CERS6: variants seen among roughly 807,000 people sequenced by gnomAD.
The protein encoded by CERS6 is ceramide synthase 6.
In CERS6, 26 loss-of-function variants were observed where a neutral mutation model predicts 56.8. The ratio of observed to expected loss-of-function variants is 0.46; its 90% CI spans 0.34 to 0.63. CERS6 has a LOEUF of 0.63. Among genes scored for constraint, CERS6 ranks in the 30% least tolerant of loss-of-function variants. The pLI, the probability that CERS6 is intolerant of heterozygous loss-of-function variation, is 0.01. For missense variants in CERS6, 415 were observed against 467.5 expected (o/e 0.89, Z 1.04); for synonymous variants, 164 against 173.3 (o/e 0.95, Z 0.42).
At chr2:168,645,308 G>GT (rs1227593846) in intron 4 of CERS6, among the ~76,000 whole-genome samples, 1 of 149,746 alleles carries the variant, frequency 6.7e-6, no homozygotes, top group Admixed American at 6.7e-5. Flanking sequence ...AAACTGTGGG[G>GT]TTTTTTGTGA....
intron 8 of CERS6, among the ~76,000 whole-genome samples, chr2:168,733,690 T>C (rs919769031): frequency 6.6e-6 from 1 of 152,190 alleles, no homozygotes; most frequent in Non-Finnish European, 1.5e-5. Context: ...CTGAATAGGT[T>C]TCTAGGGAGT....
At chr2:168,740,984 G>C (rs1328747164) in intron 8 of CERS6, among the ~76,000 whole-genome samples, 1 of 152,140 alleles carries the variant, frequency 6.6e-6, no homozygotes, top group African/African-American at 2.4e-5. Context: ...TTATGGAGGG[G>C]ATGGGTAAAG....
intron 1 of CERS6, among the ~76,000 whole-genome samples, chr2:168,496,952 G>A (rs80113596): frequency 0.03 from 4,541 of 152,268 alleles, 86 homozygotes; most frequent in Non-Finnish European, 0.049. Context: ...AGATAGTGAG[G>A]CTTTTAAATA....
intron 6 of CERS6, among the ~76,000 whole-genome samples, chr2:168,700,922 C>T (rs1274997802): frequency 6.6e-6 from 1 of 152,188 alleles, no homozygotes. Flanking sequence ...TCAGGCACAC[C>T]AGGATTGTGC....
intron 3 of CERS6, among the ~76,000 whole-genome samples, chr2:168,587,313 T>G (rs549457048): frequency 6.6e-6 from 1 of 152,344 alleles, no homozygotes; most frequent in African/African-American, 2.4e-5. Flanking sequence ...GTGGATTTCA[T>G]GAAATTGTGT....
rs967225348 is a variant in CERS6 at position 168,456,353 on chromosome 2, G to A, written c.-96G>A. The A allele has an allele frequency of 1.1e-5, 10 of 946,138 alleles. No individual in the cohort carries two copies. The African/African-American group carries it at 1.6e-4, about 15-fold the overall frequency. The allele number at this position is 946,138 out of a possible 1,614,324, so 58.6% of individuals were successfully genotyped here. ...CGGGAGCAGCGGCGGCGGCGGCACAGGCTCGGGGCCAGCCGGGCGCGCATC... is the reference window on the plus strand; with the variant it reads ...CGGGAGCAGCGGCGGCGGCGGCACAAGCTCGGGGCCAGCCGGGCGCGCATC... On this transcript the variant is annotated 5_prime_UTR_variant, in exon 1 of 10. Transcript: ENST00000305747. The surrounding 1 kb of genome is among the most constrained non-coding windows in gnomAD (Gnocchi z 4.1).
At chr2:168,510,077 A>C (rs1694751568) in intron 1 of CERS6, among the ~76,000 whole-genome samples, 1 of 150,280 alleles carries the variant, frequency 6.7e-6, no homozygotes, top group South Asian at 2.1e-4. Flanking sequence ...AGTACTTGAT[A>C]TTTTATAATA....
At chr2:168,499,583 TG>T (rs1694541917) in intron 1 of CERS6, among the ~76,000 whole-genome samples, 1 of 152,184 alleles carries the variant, frequency 6.6e-6, no homozygotes, top group African/African-American at 2.4e-5. Flanking sequence ...TTTTTCTGTA[TG>T]GGTTTCTACC....
At chr2:168,709,113 T>C (rs76008549) in intron 6 of CERS6, among the ~76,000 whole-genome samples, 1,744 of 152,220 alleles carry the variant, frequency 0.011, 35 homozygotes, top group African/African-American at 0.039. Flanking sequence ...TGTTTGGTGC[T>C]AATATTTTAT....
chr2:168,706,767 C>T (rs1266827943), intron 6 of CERS6, among the ~76,000 whole-genome samples: 2 of 152,212 alleles, frequency 1.3e-5, no homozygotes, highest in African/African-American at 4.8e-5. Context: ...ATTGCCACAT[C>T]TTAGATAATA....
At chr2:168,722,492 G>T (rs1322719578) in intron 8 of CERS6, among the ~76,000 whole-genome samples, 1 of 152,012 alleles carries the variant, frequency 6.6e-6, no homozygotes, top group Non-Finnish European at 1.5e-5. Flanking sequence ...GTTCATTCTT[G>T]TGTGTGTGGA....
At chr2:168,585,450 C>T (rs191046027) in intron 3 of CERS6, among the ~76,000 whole-genome samples, 6 of 152,298 alleles carry the variant, frequency 3.9e-5, no homozygotes, top group East Asian at 1.9e-4. Flanking sequence ...GCTCAGGCTA[C>T]GAAGTCAGAC....
chr2:168,716,608 A>G lies in CERS6; in HGVS notation c.739-1264A>G, dbSNP rs1687232433. 3.3e-5 allele frequency among the ~76,000 whole-genome samples: 5 copies of G among 152,150 alleles called. No individual in the cohort carries two copies. The South Asian group carries it at 1.0e-3, about 32-fold the overall frequency. ...ATAGGTCACCTGTCAGCTCCTCAAC[A>G]TGTTATCTTATGGCCTAGACGTTTC... On this transcript the variant is annotated intron_variant, in intron 7 of 9. Transcript: ENST00000305747.
chr2:168,747,257 T>C (rs1684135884), intron 8 of CERS6, among the ~76,000 whole-genome samples: 1 of 151,474 alleles, frequency 6.6e-6, no homozygotes, highest in Non-Finnish European at 1.5e-5. Flanking sequence ...CTGCACTCCA[T>C]CCTGGGCAAT....
In CERS6 at chr2:168,765,737, T is replaced by G. The variant is rs1244087916; in HGVS notation, c.991T>G (p.Ser331Ala). ...LIVKIACKAV[S>A]RGKVSKDDRS... Reference sequence around the variant, plus strand: ...TGTGAAAATAGCTTGCAAAGCTGTTTCAAGAGGCAAGGTAAGCTACAACTC... The same window carrying G: ...TGTGAAAATAGCTTGCAAAGCTGTTGCAAGAGGCAAGGTAAGCTACAACTC... Residue 331 changes from serine (S) to alanine (A), a missense_variant, in exon 9 of 10, where the codon TCA (serine) becomes GCA (alanine). Transcript: ENST00000305747. 16 of 1,611,678 alleles carry G rather than the reference T, an allele frequency of 9.9e-6. 1 individual carries two copies. Among genetic ancestry groups the G allele is most frequent in the East Asian group, 4.5e-5 (2 of 44,860 alleles).
At chr2:168,708,839 C>G (rs1687021515) in intron 6 of CERS6, among the ~76,000 whole-genome samples, 1 of 151,816 alleles carries the variant, frequency 6.6e-6, no homozygotes, top group Non-Finnish European at 1.5e-5. Flanking sequence ...AAAATTATTC[C>G]CAGAAGACAC....
chr2:168,583,578 C>G (rs1483946890), intron 3 of CERS6, among the ~76,000 whole-genome samples: 1 of 152,196 alleles, frequency 6.6e-6, no homozygotes, highest in Non-Finnish European at 1.5e-5. Context: ...CCAAACCAGT[C>G]ATTAGGCTTT....
intron 4 of CERS6, among the ~76,000 whole-genome samples, chr2:168,634,468 A>G (rs569112480): frequency 2.0e-5 from 3 of 152,258 alleles, no homozygotes; most frequent in South Asian, 4.2e-4. Context: ...GCTGGAGTGT[A>G]GTGGTGCAAT....
chr2:168,768,419 G>T (rs755779075), intron 9 of CERS6, among the ~76,000 whole-genome samples: 1 of 150,216 alleles, frequency 6.7e-6, no homozygotes, highest in Non-Finnish European at 1.5e-5. Flanking sequence ...TTTAAGTTGA[G>T]ACTGGGCTTC....
Sources: allele counts gnomAD v4.1 joint callset (sites outside exome capture counted in the v4.1 genomes callset), GRCh38; gene constraint gnomAD v4.1.1; non-coding constraint Gnocchi (gnomAD v3.1); transcripts MANE v1.5; gene names NCBI Gene and HGNC (gene_info 2026-07-23, HGNC 2026-07-21).